Variants in ADARB2 observed in about 807,000 individuals in gnomAD.
ADARB2 encodes the protein inactive double-stranded RNA-specific editase B2.
Under a neutral mutation model 62.2 loss-of-function variants are expected in ADARB2, and 25 were observed. That is an observed-to-expected ratio of 0.40 (90% CI 0.29 to 0.56). ADARB2 has a LOEUF of 0.56. Ranked by LOEUF, ADARB2 falls within the 20% of genes least tolerant of loss-of-function variation. The pLI is 0.43. For missense variants in ADARB2, 1,071 were observed against 1,077.4 expected (o/e 0.99, Z 0.08); for synonymous variants, 572 against 500.8 (o/e 1.14, Z -1.90).
chr10:1,205,961 C>A (rs113383487), intron 7 of ADARB2, among the ~76,000 whole-genome samples: 184 of 151,126 alleles, frequency 1.2e-3, no homozygotes, highest in African/African-American at 4.0e-3. Context: ...CACGGGGCAG[C>A]CCGTTGGGGT....
At chr10:1,335,154 C>G (rs1831961549) in intron 3 of ADARB2, among the ~76,000 whole-genome samples, 1 of 151,430 alleles carries the variant, frequency 6.6e-6, no homozygotes, top group Non-Finnish European at 1.5e-5. Flanking sequence ...TGTGTTCCAG[C>G]TACCTGCGCC....
intron 1 of ADARB2, among the ~76,000 whole-genome samples, chr10:1,723,155 T>G (rs1016095690): frequency 3.9e-5 from 6 of 152,226 alleles, no homozygotes; most frequent in Admixed American, 3.9e-4. Context: ...CATGGTCCTA[T>G]GATGTAGCTT....
At chr10:1,553,961 G>A (rs940454652) in intron 1 of ADARB2, among the ~76,000 whole-genome samples, 1 of 152,190 alleles carries the variant, frequency 6.6e-6, no homozygotes, top group Non-Finnish European at 1.5e-5. Flanking sequence ...CCTGTAAACC[G>A]GAGTCCAGAA....
At chr10:1,410,179 G>T (rs1426575358) in intron 1 of ADARB2, among the ~76,000 whole-genome samples, 1 of 148,718 alleles carries the variant, frequency 6.7e-6, no homozygotes, top group East Asian at 2.0e-4. Flanking sequence ...GCCGAGGCCT[G>T]GTCGTGGTCA....
intron 1 of ADARB2, among the ~76,000 whole-genome samples, chr10:1,597,207 T>C (rs985958449): frequency 2.6e-5 from 4 of 152,204 alleles, no homozygotes; most frequent in South Asian, 2.1e-4. Flanking sequence ...AGTGAAGCCC[T>C]CTGGGTGTTT....
intron 1 of ADARB2, among the ~76,000 whole-genome samples, chr10:1,649,972 G>T (rs1230908701): frequency 1.3e-5 from 2 of 152,158 alleles, no homozygotes; most frequent in African/African-American, 4.8e-5. Flanking sequence ...TGGAGGTCCT[G>T]CTTCTGTCAC....
intron 3 of ADARB2, chr10:1,291,429 G>A (rs1831464774): frequency 6.6e-6 from 1 of 152,266 alleles, no homozygotes; most frequent in Non-Finnish European, 1.5e-5. Context: ...CAGAGGAGCG[G>A]GGTCGGAGCT....
intron 1 of ADARB2, among the ~76,000 whole-genome samples, chr10:1,525,147 T>A (rs1053183751): frequency 1.3e-5 from 2 of 152,064 alleles, no homozygotes; most frequent in African/African-American, 4.8e-5. Flanking sequence ...TACTAATAGC[T>A]GTAAAAAAAG....
chr10:1,420,114 G>A (rs1479882183), intron 1 of ADARB2, among the ~76,000 whole-genome samples: 3 of 152,158 alleles, frequency 2.0e-5, no homozygotes, highest in Admixed American at 6.5e-5. Context: ...AGGAACATTC[G>A]GTGCATGATT....
intron 1 of ADARB2, among the ~76,000 whole-genome samples, chr10:1,709,971 T>G (rs1181758370): frequency 6.6e-6 from 1 of 152,232 alleles, no homozygotes; most frequent in African/African-American, 2.4e-5. Flanking sequence ...TGCTATTTCC[T>G]TCCTGGTCAT....
chr10:1,463,136 C>T (rs1033605073), intron 1 of ADARB2, among the ~76,000 whole-genome samples: 3 of 152,102 alleles, frequency 2.0e-5, no homozygotes, highest in African/African-American at 4.8e-5. Context: ...AGGACGTGCT[C>T]TCCACGTGAT....
intron 1 of ADARB2, among the ~76,000 whole-genome samples, chr10:1,504,706 C>A (rs1243977180): frequency 6.6e-6 from 1 of 152,116 alleles, no homozygotes; most frequent in East Asian, 1.9e-4. Context: ...AAAACAATGA[C>A]CTTGAAGTAA....
chr10:1,587,475 C>T (rs889242361), intron 1 of ADARB2, among the ~76,000 whole-genome samples: 11 of 151,480 alleles, frequency 7.3e-5, no homozygotes, highest in South Asian at 2.1e-4. Flanking sequence ...GGTGTAGGTT[C>T]GGTTTCAGAC....
intron 3 of ADARB2, among the ~76,000 whole-genome samples, chr10:1,304,694 A>G (rs912391362): frequency 3.3e-5 from 5 of 149,658 alleles, no homozygotes; most frequent in African/African-American, 1.2e-4. Context: ...CCACAGTGCA[A>G]TCAAACTAGA....
intron 1 of ADARB2, among the ~76,000 whole-genome samples, chr10:1,535,412 T>C (rs559136280): frequency 6.6e-6 from 1 of 152,352 alleles, no homozygotes; most frequent in South Asian, 2.1e-4. Flanking sequence ...GAGGTGATAC[T>C]GAGCTCTGCG....
chr10:1,373,219 C>G (rs748310754), intron 2 of ADARB2, among the ~76,000 whole-genome samples: 2 of 152,104 alleles, frequency 1.3e-5, no homozygotes, highest in Non-Finnish European at 2.9e-5. Flanking sequence ...GAGTACCACT[C>G]TCTGTCTGTC....
intron 1 of ADARB2, among the ~76,000 whole-genome samples, chr10:1,412,327 C>A (rs1170864539): frequency 6.6e-6 from 1 of 151,898 alleles, no homozygotes; most frequent in Non-Finnish European, 1.5e-5. Flanking sequence ...TTTACTGTAT[C>A]GCCTTGAAGT....
At chr10:1,270,606 G>A (rs1831251666) in intron 4 of ADARB2, among the ~76,000 whole-genome samples, 1 of 152,134 alleles carries the variant, frequency 6.6e-6, no homozygotes, top group South Asian at 2.1e-4. Flanking sequence ...TTTGAGATGG[G>A]GAATCTTGGC....
rs931200549 is a variant in ADARB2, at chr10:1,258,159, T to C, written c.1192+12796A>G. Among the ~76,000 whole-genome samples, 2 of 152,206 alleles carry C rather than the reference T, an allele frequency of 1.3e-5. 1 individual carries two copies. Among genetic ancestry groups the C allele is most frequent in the Non-Finnish European group, 2.9e-5 (2 of 68,048 alleles). ...CTCCCTCCCTCCCTAACTCTTTTTC[T>C]TTCTTGCCCTCTTTCTTAAGTGTGC... On this transcript the variant is annotated intron_variant, in intron 4 of 9. Coordinates refer to ENST00000381312, the MANE Select transcript of ADARB2 (RefSeq NM_018702.4).
Sources: allele counts gnomAD v4.1 joint callset (sites outside exome capture counted in the v4.1 genomes callset), GRCh38; gene constraint gnomAD v4.1.1; transcripts MANE v1.5; gene names NCBI Gene and HGNC (gene_info 2026-07-23, HGNC 2026-07-21).